The following UQCC1 variants were observed in gnomAD, a reference collection of about 807,000 sequenced individuals.
UQCC1 encodes the protein bFGF-repressed Zic-binding protein.
In UQCC1, 38 loss-of-function variants were observed where a neutral mutation model predicts 48.0. That is an observed-to-expected ratio of 0.79 (90% CI 0.61 to 1.04). The LOEUF (loss-of-function observed/expected upper bound fraction) is 1.04, where lower values mean the gene tolerates loss of function less well. Among genes scored for constraint, UQCC1 ranks in the 50% least tolerant of loss-of-function variants. The pLI, the probability that UQCC1 is intolerant of heterozygous loss-of-function variation, is 0.00. For missense variants in UQCC1, 368 were observed against 381.8 expected, an observed-to-expected ratio of 0.96 and a Z score of 0.30; for synonymous variants, 111 against 129.2, an observed-to-expected ratio of 0.86 and a Z score of 0.95.
intron 7 of UQCC1, among the ~76,000 whole-genome samples, chr20:35,335,762 C>A (rs1022952040): frequency 6.6e-6 from 1 of 152,066 alleles, no homozygotes; most frequent in East Asian, 1.9e-4. Flanking sequence ...CATAATGCTG[C>A]AAATTTACTA....
intron 7 of UQCC1, among the ~76,000 whole-genome samples, chr20:35,317,597 C>T (rs1291191870): frequency 6.6e-6 from 1 of 152,194 alleles, no homozygotes; most frequent in Non-Finnish European, 1.5e-5. Context: ...TGCCTGGGTA[C>T]ACACGTGGTT....
At chr20:35,396,770 A>T (rs1199511429) in intron 1 of UQCC1, among the ~76,000 whole-genome samples, 1 of 152,194 alleles carries the variant, frequency 6.6e-6, no homozygotes, top group Admixed American at 6.5e-5. Flanking sequence ...TTGCTAAATA[A>T]GAAGTCTGCT....
At chr20:35,327,351 T>C (rs761248309) in intron 7 of UQCC1, among the ~76,000 whole-genome samples, 4 of 152,226 alleles carry the variant, frequency 2.6e-5, no homozygotes, top group Non-Finnish European at 4.4e-5. Flanking sequence ...TGTTCAGAGC[T>C]GTACAATTGC....
intron 8 of UQCC1, among the ~76,000 whole-genome samples, chr20:35,313,437 C>T (rs1333972094): frequency 5.4e-5 from 8 of 148,440 alleles, no homozygotes; most frequent in Non-Finnish European, 1.0e-4. Flanking sequence ...TGGAAGGACA[C>T]CCAAGATACA....
chr20:35,381,790 T>C, intron 4 of UQCC1, 128 bp downstream of exon 4: 1 of 666,270 alleles, frequency 1.5e-6, no homozygotes, highest in East Asian at 2.6e-5. Context: ...ATGTCGCAGC[T>C]AGATCGTCCT....
At chr20:35,380,469 T>C (rs1314469100) in intron 4 of UQCC1, among the ~76,000 whole-genome samples, 2 of 152,166 alleles carry the variant, frequency 1.3e-5, no homozygotes, top group African/African-American at 2.4e-5. Context: ...AAAAGAGTAA[T>C]TATAGAGAGA....
chr20:35,333,572 A>C (rs1490204871), intron 7 of UQCC1, among the ~76,000 whole-genome samples: 1 of 152,176 alleles, frequency 6.6e-6, no homozygotes, highest in Non-Finnish European at 1.5e-5. Flanking sequence ...AGGGCACATA[A>C]ATACACGAGT....
At chr20:35,400,909 ACTACCCTTTAAT>A (rs2146532526) in intron 1 of UQCC1, among the ~76,000 whole-genome samples, 1 of 152,298 alleles carries the variant, frequency 6.6e-6, no homozygotes, top group African/African-American at 2.4e-5. Context: ...TCTTGTACTG[ACTACCCTTTAAT>A]CAGTCCACTG....
chr20:35,360,148 T>A (rs2061590327), intron 6 of UQCC1, among the ~76,000 whole-genome samples: 1 of 152,210 alleles, frequency 6.6e-6, no homozygotes. Context: ...CATAGGCCTT[T>A]GGTTTGGGCA....
chr20:35,331,594 C>T (rs189651290), intron 7 of UQCC1, among the ~76,000 whole-genome samples: 10 of 152,258 alleles, frequency 6.6e-5, no homozygotes, highest in Non-Finnish European at 8.8e-5. Context: ...TCCTCAAAGG[C>T]TCCAAAATAA....
chr20:35,378,245 C>T (rs1478058778), intron 4 of UQCC1, among the ~76,000 whole-genome samples: 6 of 152,096 alleles, frequency 3.9e-5, no homozygotes, highest in African/African-American at 7.2e-5. Flanking sequence ...TGCTCTCCCA[C>T]GAACTAATGC....
intron 1 of UQCC1, among the ~76,000 whole-genome samples, chr20:35,407,690 C>T (rs185328928): frequency 2.3e-3 from 344 of 151,970 alleles, no homozygotes; most frequent in African/African-American, 7.7e-3. Context: ...GTTCAAGACC[C>T]GCCTGGCCAA....
chr20:35,335,763 A>G (rs2425062), intron 7 of UQCC1, among the ~76,000 whole-genome samples: 73,427 of 152,142 alleles, frequency 0.48, 19,505 homozygotes, highest in African/African-American at 0.71. Context: ...ATAATGCTGC[A>G]AATTTACTAA....
At chr20:35,311,428 T>C (rs979064044) in intron 8 of UQCC1, among the ~76,000 whole-genome samples, 6 of 152,246 alleles carry the variant, frequency 3.9e-5, no homozygotes, top group African/African-American at 1.2e-4. Flanking sequence ...CTGTCCAAGA[T>C]GGTAGTCACA....
chr20:35,329,687 C>CT (rs2061235753), intron 7 of UQCC1, among the ~76,000 whole-genome samples: 1 of 152,220 alleles, frequency 6.6e-6, no homozygotes, highest in Non-Finnish European at 1.5e-5. Flanking sequence ...GCCTCCAGAA[C>CT]TTTTTTACAT....
At chr20:35,386,113 G>T (rs1403339695) in intron 2 of UQCC1, among the ~76,000 whole-genome samples, 1 of 151,962 alleles carries the variant, frequency 6.6e-6, no homozygotes, top group African/African-American at 2.4e-5. Flanking sequence ...GGTAAAACAT[G>T]ACTGCGTAGA....
intron 7 of UQCC1, among the ~76,000 whole-genome samples, chr20:35,335,131 T>C (rs1418046844): frequency 6.6e-6 from 1 of 152,232 alleles, no homozygotes; most frequent in South Asian, 2.1e-4. Context: ...AATTTCATTA[T>C]AAACAAATGA....
intron 2 of UQCC1, among the ~76,000 whole-genome samples, chr20:35,389,311 G>A (rs1355320708): frequency 3.9e-5 from 6 of 152,056 alleles, no homozygotes; most frequent in Admixed American, 3.9e-4. Flanking sequence ...CTTATAATTT[G>A]CACCTCTCTT....
chr20:35,381,873 C>T, intron 4 of UQCC1, 45 bp downstream of exon 4: 1 of 1,150,732 alleles, frequency 8.7e-7, no homozygotes. Context: ...GAGCAGAAAG[C>T]ACAATGCCCA....
Sources: gnomAD v4.1 joint callset for allele counts (sites outside exome capture counted in the v4.1 genomes callset) on GRCh38, gnomAD v4.1.1 for gene constraint, MANE v1.5 for transcripts, NCBI Gene and HGNC (gene_info 2026-07-23, HGNC 2026-07-21) for gene names.